The following ZFYVE28 variants were observed in gnomAD, a reference collection of about 807,000 sequenced individuals.
The protein encoded by ZFYVE28 is zinc finger FYVE-type containing 28.
ZFYVE28 carries 40 observed loss-of-function variants against 82.1 expected under a neutral mutation model. That is an observed-to-expected ratio of 0.49 (90% CI 0.38 to 0.63). The LOEUF (loss-of-function observed/expected upper bound fraction) is 0.63, where lower values mean the gene tolerates loss of function less well. ZFYVE28 is among the 30% of genes least tolerant of loss of function. The pLI is 0.00. For synonymous variants in ZFYVE28, 612 were observed against 546.1 expected (o/e 1.12, Z -1.68); for missense variants, 1,321 against 1,242.1 (o/e 1.06, Z -0.96).
chr4:2,412,969 G>A (rs1286589005), intron 1 of ZFYVE28, among the ~76,000 whole-genome samples: 2 of 151,972 alleles, frequency 1.3e-5, no homozygotes, highest in East Asian at 3.8e-4. Flanking sequence ...TCGACTCTCT[G>A]CCTCTGACTC....
chr4:2,404,638 A>G (rs1384941517), intron 1 of ZFYVE28, among the ~76,000 whole-genome samples: 1 of 152,240 alleles, frequency 6.6e-6, no homozygotes, highest in Non-Finnish European at 1.5e-5. Context: ...GCAAATCCGC[A>G]GAGATGGAAA....
At chr4:2,337,140 G>A (rs1441598819) in intron 5 of ZFYVE28, among the ~76,000 whole-genome samples, 1 of 152,114 alleles carries the variant, frequency 6.6e-6, no homozygotes, top group East Asian at 1.9e-4. Context: ...GACTTCACCT[G>A]CAGGATCTGA....
chr4:2,340,200 C>T (rs1212525618), intron 3 of ZFYVE28, among the ~76,000 whole-genome samples: 1 of 152,208 alleles, frequency 6.6e-6, no homozygotes, highest in African/African-American at 2.4e-5. Context: ...CAGAGAAACG[C>T]AACCTTCCCC....
chr4:2,309,516 T>G (rs1216484139), intron 7 of ZFYVE28, among the ~76,000 whole-genome samples: 2 of 152,234 alleles, frequency 1.3e-5, no homozygotes, highest in African/African-American at 2.4e-5. Context: ...AATCTACTTA[T>G]TATTTCTAAT....
chr4:2,384,771 G>C (rs535267988), intron 1 of ZFYVE28, among the ~76,000 whole-genome samples: 2 of 152,302 alleles, frequency 1.3e-5, no homozygotes, highest in African/African-American at 4.8e-5. Context: ...ATTCAGCATA[G>C]GAAAAGAAGA....
At chr4:2,352,026 A>T (rs1336687488) in intron 2 of ZFYVE28, among the ~76,000 whole-genome samples, 1 of 152,146 alleles carries the variant, frequency 6.6e-6, no homozygotes, top group Admixed American at 6.5e-5. Context: ...GCACATACTC[A>T]AGTCCCACGG....
chr4:2,273,724 A>G (rs1043917346), intron 9 of ZFYVE28, among the ~76,000 whole-genome samples: 3 of 152,100 alleles, frequency 2.0e-5, no homozygotes, highest in African/African-American at 7.2e-5. Context: ...CCTCGCAGGC[A>G]CAGCCCCCCA....
At chr4:2,308,623 A>AAGAC (rs1224983484) in intron 7 of ZFYVE28, among the ~76,000 whole-genome samples, 2 of 98,760 alleles carry the variant, frequency 2.0e-5, no homozygotes, top group African/African-American at 7.6e-5. Context: ...AGAAAGAAAG[A>AAGAC]AGACAGAAAG....
At chr4:2,271,169 C>T (rs572468987) in intron 12 of ZFYVE28, 142 bp downstream of exon 12, 21 of 877,306 alleles carry the variant, frequency 2.4e-5, no homozygotes, top group East Asian at 2.7e-5. Flanking sequence ...GAACAGGGCC[C>T]GGGACCTCCA....
intron 7 of ZFYVE28, among the ~76,000 whole-genome samples, chr4:2,306,111 G>A (rs570668364): frequency 3.3e-5 from 5 of 152,258 alleles, no homozygotes; most frequent in Non-Finnish European, 5.9e-5. Context: ...ATGAAGGAGG[G>A]TGCAGCAGGG....
chr4:2,346,445 A>G (rs1317742553), intron 2 of ZFYVE28, among the ~76,000 whole-genome samples: 1 of 152,138 alleles, frequency 6.6e-6, no homozygotes, highest in African/African-American at 2.4e-5. Flanking sequence ...AGACCACTGG[A>G]AATGGTGACT....
rs891847157 is a variant in ZFYVE28, at chr4:2,409,059, G to A, written c.39+9226C>T. Among the ~76,000 whole-genome samples the A allele has an allele frequency of 1.3e-5, 2 of 152,030 alleles. No homozygotes were observed. The highest frequency in any genetic ancestry group is 2.9e-5 in the Non-Finnish European group (2 of 68,002). On this transcript the variant is annotated intron_variant, in intron 1 of 12. Transcript: ENST00000290974. This position sits in a 1 kb window ranked among gnomAD's most constrained non-coding sequence, Gnocchi z 4.4. Reference sequence around the variant, plus strand: ...TCGCAGTGGGGAGGTCTGCCTTTACGCGGTCTGTGACACAGCCCTGAACGC... The same window carrying A: ...TCGCAGTGGGGAGGTCTGCCTTTACACGGTCTGTGACACAGCCCTGAACGC...
chr4:2,407,973 C>G (rs897253425), intron 1 of ZFYVE28, among the ~76,000 whole-genome samples: 4 of 152,198 alleles, frequency 2.6e-5, no homozygotes, highest in African/African-American at 9.7e-5. Context: ...CCTTTCTCCT[C>G]TGTCTTGTAA....
intron 3 of ZFYVE28, among the ~76,000 whole-genome samples, chr4:2,340,051 G>A (rs79927036): frequency 0.035 from 5,366 of 152,192 alleles, 120 homozygotes; most frequent in Admixed American, 0.057. Context: ...CCACAGGGAT[G>A]AAGTTCAAGG....
chr4:2,377,965 T>C (rs984089578), intron 1 of ZFYVE28, among the ~76,000 whole-genome samples: 1 of 152,228 alleles, frequency 6.6e-6, no homozygotes, highest in African/African-American at 2.4e-5. Context: ...CACGTTACTG[T>C]GCTGAACAGT....
At chr4:2,312,444 T>C (rs1222928945) in intron 7 of ZFYVE28, among the ~76,000 whole-genome samples, 1 of 152,078 alleles carries the variant, frequency 6.6e-6, no homozygotes, top group African/African-American at 2.4e-5. Flanking sequence ...AGAAGTGTTT[T>C]GGGGCCGGGC....
At chr4:2,314,524 A>G (rs182829768) in intron 7 of ZFYVE28, among the ~76,000 whole-genome samples, 1 of 152,200 alleles carries the variant, frequency 6.6e-6, no homozygotes, top group African/African-American at 2.4e-5. Context: ...TGAATTTGCT[A>G]GTTATTCATC....
chr4:2,368,323 GC>G (rs1395578349), intron 1 of ZFYVE28, among the ~76,000 whole-genome samples: 13 of 152,056 alleles, frequency 8.5e-5, no homozygotes, highest in Admixed American at 8.5e-4. Flanking sequence ...GATCGCTTGA[GC>G]CCGGGAGGTG....
chr4:2,324,734 G>A (rs1560205852), intron 6 of ZFYVE28: 1 of 163,086 alleles, frequency 6.1e-6, no homozygotes, highest in East Asian at 1.7e-4. Flanking sequence ...TGCTAAGATG[G>A]TGTCTTGTAT....
Sources: gnomAD v4.1 joint callset for allele counts (sites outside exome capture counted in the v4.1 genomes callset) on GRCh38, gnomAD v4.1.1 for gene constraint, Gnocchi (gnomAD v3.1) non-coding constraint, MANE v1.5 for transcripts, NCBI Gene and HGNC (gene_info 2026-07-23, HGNC 2026-07-21) for gene names.